Variants in NECTIN3 observed in about 807,000 individuals in gnomAD.
NECTIN3 encodes nectin-3.
Under a neutral mutation model 49.4 loss-of-function variants are expected in NECTIN3, and 8 were observed. The ratio of observed to expected loss-of-function variants is 0.16; its 90% CI spans 0.10 to 0.29. The LOEUF (loss-of-function observed/expected upper bound fraction) is 0.29, where lower values mean the gene tolerates loss of function less well. Among genes scored for constraint, NECTIN3 ranks in the 10% least tolerant of loss-of-function variants. The probability of loss-of-function intolerance (pLI) is 1.00; values close to 1 mark genes in which losing one functional copy is unlikely to be tolerated. For synonymous variants in NECTIN3, 277 were observed against 241.1 expected (o/e 1.15, Z -1.38); for missense variants, 581 against 654.6 (o/e 0.89, Z 1.23).
At chr3:111,081,673 A>G (rs1023001548) in intron 1 of NECTIN3, among the ~76,000 whole-genome samples, 2 of 152,212 alleles carry the variant, frequency 1.3e-5, no homozygotes, top group African/African-American at 4.8e-5. Context: ...GTGGAAGAAG[A>G]CTTAGAGGAG....
At chr3:111,162,664 T>C (rs978779319) in intron 7 of NECTIN3, among the ~76,000 whole-genome samples, 3 of 152,190 alleles carry the variant, frequency 2.0e-5, no homozygotes, top group African/African-American at 7.2e-5. Context: ...TAATTTTGTA[T>C]ACAGAACCAC....
intron 1 of NECTIN3, chr3:111,193,292 G>T: frequency 4.6e-6 from 7 of 1,535,830 alleles, no homozygotes; most frequent in Non-Finnish European, 6.1e-6. Flanking sequence ...ACAATCAAAT[G>T]TGCTACCAAG....
upstream of NECTIN3, chr3:111,192,252 T>C (rs2035825578): frequency 1.8e-6 from 2 of 1,105,028 alleles, no homozygotes. Context: ...TAGACATTTA[T>C]AACAAGACAT....
chr3:111,158,237 T>G (rs1450063167), intron 7 of NECTIN3, among the ~76,000 whole-genome samples: 1 of 152,052 alleles, frequency 6.6e-6, no homozygotes, highest in Non-Finnish European at 1.5e-5. Flanking sequence ...ATATAAAACT[T>G]GCTATTGGTG....
At chr3:111,118,355 C>T (rs2033797280) in intron 2 of NECTIN3, among the ~76,000 whole-genome samples, 2 of 145,828 alleles carry the variant, frequency 1.4e-5, no homozygotes, top group Non-Finnish European at 3.0e-5. Context: ...TGATCTCGTT[C>T]ACAGAAATTT....
chr3:111,175,173 C>A (rs2035504926), intron 7 of NECTIN3, among the ~76,000 whole-genome samples: 1 of 151,724 alleles, frequency 6.6e-6, no homozygotes, highest in African/African-American at 2.4e-5. Flanking sequence ...TCACATTGTT[C>A]CGCCATCCAT....
chr3:111,096,644 C>G (rs369228336), intron 1 of NECTIN3, among the ~76,000 whole-genome samples: 4 of 152,148 alleles, frequency 2.6e-5, no homozygotes, highest in Non-Finnish European at 4.4e-5. Context: ...CAGTCTAGGA[C>G]TTAGTATACT....
chr3:111,123,452 T>C (rs2034035082), intron 4 of NECTIN3, among the ~76,000 whole-genome samples: 1 of 152,148 alleles, frequency 6.6e-6, no homozygotes, highest in African/African-American at 2.4e-5. Flanking sequence ...GGATTGCTCA[T>C]TAGATTCCAC....
chr3:111,080,189 G>A (rs1023973973), intron 1 of NECTIN3, among the ~76,000 whole-genome samples: 7 of 151,952 alleles, frequency 4.6e-5, no homozygotes, highest in African/African-American at 7.2e-5. Flanking sequence ...TATGTTTGCC[G>A]TTTTCAATGA....
At chr3:111,146,838 T>C (rs1310798248) in intron 6 of NECTIN3, among the ~76,000 whole-genome samples, 1 of 152,188 alleles carries the variant, frequency 6.6e-6, no homozygotes, top group East Asian at 1.9e-4. Context: ...ATGAAAATGT[T>C]GATTTTCTGA....
chr3:111,101,159 T>G (rs754975545), intron 1 of NECTIN3, among the ~76,000 whole-genome samples: 9 of 152,212 alleles, frequency 5.9e-5, no homozygotes, highest in Non-Finnish European at 1.2e-4. Flanking sequence ...GTGCTTCTCT[T>G]CTGAAAATAT....
At chr3:111,151,606 T>A (rs1240077282) in intron 7 of NECTIN3, among the ~76,000 whole-genome samples, 2 of 151,890 alleles carry the variant, frequency 1.3e-5, no homozygotes, top group Non-Finnish European at 2.9e-5. Context: ...CATAAGAAAA[T>A]AGAGATCTAT....
intron 1 of NECTIN3, among the ~76,000 whole-genome samples, chr3:111,080,661 A>G (rs1359098920): frequency 7.1e-6 from 1 of 141,782 alleles, no homozygotes; most frequent in Non-Finnish European, 1.5e-5. Flanking sequence ...AGTCACAGTT[A>G]ATCTATATAT....
Position 111,136,695 on chromosome 3 carries a change from ACTAT to A in NECTIN3, c.*2481_*2484del. ...ATCGTGAAAAAAAATGAATATTTGT[ACTAT>A]TTTTGGCCATATTTATATTTATTTC... On this transcript the variant is annotated 3_prime_UTR_variant, in exon 6 of 6. Transcript: ENST00000485303. The A allele has an allele frequency of 1.1e-6, 1 of 912,486 alleles. No homozygotes were observed. The highest frequency in any genetic ancestry group is 5.1e-5 in the South Asian group (1 of 19,792). The allele number at this position is 912,486 out of a possible 1,614,324, so 56.5% of individuals were successfully genotyped here. A position where few individuals can be genotyped will look rare whatever the true frequency, so the allele number is the denominator to read the frequency against.
intron 7 of NECTIN3, among the ~76,000 whole-genome samples, chr3:111,152,305 T>C (rs901434213): frequency 1.3e-5 from 2 of 151,876 alleles, no homozygotes; most frequent in African/African-American, 2.4e-5. Flanking sequence ...TTGATAGATA[T>C]TGCCAAATAA....
At chr3:111,073,648 A>G (rs186424349) in intron 1 of NECTIN3, among the ~76,000 whole-genome samples, 23 of 152,214 alleles carry the variant, frequency 1.5e-4, no homozygotes, top group Admixed American at 2.6e-4. Flanking sequence ...AGAATTGGGG[A>G]TGTTGCTTAC....
chr3:111,127,813 C>G lies in NECTIN3; in HGVS notation c.1069+1478C>G, dbSNP rs375809520. On this transcript the variant is annotated intron_variant, in intron 5 of 5. Coordinates refer to ENST00000485303, the MANE Select transcript of NECTIN3 (RefSeq NM_015480.3). ...GAACTTCTGAGCTCAAGTGATCTGC[C>G]CACCTCAACCTCCTAAAGTGCTGGG... Among the ~76,000 whole-genome samples the G allele has an allele frequency of 2.2e-4, 33 of 152,066 alleles. No individual in the cohort carries two copies. In the East Asian group the frequency reaches 5.8e-3, roughly 27 times the overall value.
chr3:111,083,800 T>A (rs2031771854), intron 1 of NECTIN3, among the ~76,000 whole-genome samples: 1 of 152,136 alleles, frequency 6.6e-6, no homozygotes, highest in South Asian at 2.1e-4. Context: ...GCTAAGATAC[T>A]ATATTGAGGG....
chr3:111,105,385 G>A (rs914712625), intron 1 of NECTIN3, among the ~76,000 whole-genome samples: 8 of 151,832 alleles, frequency 5.3e-5, no homozygotes, highest in South Asian at 2.1e-4. Flanking sequence ...TACCTGCCTC[G>A]GCCTCCCAAA....
Sources: allele counts gnomAD v4.1 joint callset (sites outside exome capture counted in the v4.1 genomes callset), GRCh38; gene constraint gnomAD v4.1.1; transcripts MANE v1.5; gene names NCBI Gene and HGNC (gene_info 2026-07-23, HGNC 2026-07-21).